ADGRL2: variants seen among roughly 807,000 people sequenced by gnomAD.
ADGRL2 encodes calcium-independent alpha-latrotoxin receptor 2.
Under a neutral mutation model 157.4 loss-of-function variants are expected in ADGRL2, and 44 were observed. That is an observed-to-expected ratio of 0.28 (90% CI 0.22 to 0.36). ADGRL2 has a LOEUF of 0.36. Among genes scored for constraint, ADGRL2 ranks in the 10% least tolerant of loss-of-function variants. ADGRL2 has a pLI of 1.00. For synonymous variants in ADGRL2, 585 were observed against 624.7 expected (o/e 0.94, Z 0.95); for missense variants, 1,510 against 1,768.9 (o/e 0.85, Z 2.63).
At chr1:81,323,489 A>G (rs1374466300) in intron 1 of ADGRL2, among the ~76,000 whole-genome samples, 1 of 150,696 alleles carries the variant, frequency 6.6e-6, no homozygotes, top group Non-Finnish European at 1.5e-5. Flanking sequence ...CTGGACTCAA[A>G]CAATCCTCCT....
intron 3 of ADGRL2, among the ~76,000 whole-genome samples, chr1:81,648,556 G>A (rs2082355498): frequency 6.6e-6 from 1 of 152,146 alleles, no homozygotes; most frequent in African/African-American, 2.4e-5. Context: ...AGATGCCATG[G>A]TTAATTACAG....
chr1:81,719,084 T>C (rs184762623), intron 1 of ADGRL2, among the ~76,000 whole-genome samples: 1 of 152,344 alleles, frequency 6.6e-6, no homozygotes, highest in African/African-American at 2.4e-5. Context: ...AAAACACTTT[T>C]CTCCCCTGGG....
intron 3 of ADGRL2, among the ~76,000 whole-genome samples, chr1:81,591,368 G>C (rs551225825): frequency 6.6e-6 from 1 of 152,190 alleles, no homozygotes; most frequent in East Asian, 1.9e-4. Flanking sequence ...TGAGAATTTA[G>C]CCTCCTTTAA....
chr1:81,784,820 G>T (rs1345339564), intron 2 of ADGRL2, among the ~76,000 whole-genome samples: 2 of 151,800 alleles, frequency 1.3e-5, no homozygotes, highest in East Asian at 3.9e-4. Context: ...TTTGTTAAGG[G>T]TCCAAAAATA....
intron 2 of ADGRL2, among the ~76,000 whole-genome samples, chr1:81,839,373 TTTTG>T (rs1224202208): frequency 6.6e-6 from 1 of 151,988 alleles, no homozygotes; most frequent in Non-Finnish European, 1.5e-5. Flanking sequence ...ACGGTTCTTT[TTTTG>T]TTTATTTTAT....
intron 3 of ADGRL2, among the ~76,000 whole-genome samples, chr1:81,689,326 G>A (rs1371721134): frequency 6.6e-6 from 1 of 152,050 alleles, no homozygotes. Flanking sequence ...ATTTTCTAAA[G>A]ATTTGTTCCT....
intron 3 of ADGRL2, among the ~76,000 whole-genome samples, chr1:81,643,381 T>C (rs1188848879): frequency 6.6e-6 from 1 of 152,182 alleles, no homozygotes; most frequent in Non-Finnish European, 1.5e-5. Context: ...GGTACAGTCA[T>C]GGCTCACTGC....
intron 2 of ADGRL2, among the ~76,000 whole-genome samples, chr1:81,766,596 C>T (rs895313537): frequency 5.9e-5 from 9 of 151,792 alleles, no homozygotes; most frequent in Admixed American, 4.6e-4. Flanking sequence ...TTTGGGAGGC[C>T]GAAGCGGGCA....
chr1:81,642,297 G>GTAGTCC (rs1258917795), intron 3 of ADGRL2, among the ~76,000 whole-genome samples: 2 of 149,156 alleles, frequency 1.3e-5, no homozygotes, highest in Admixed American at 6.7e-5. Flanking sequence ...GTGCATGCCT[G>GTAGTCC]TAGTCCTAGC....
At chr1:81,388,172 A>G (rs1381010807) in intron 1 of ADGRL2, among the ~76,000 whole-genome samples, 1 of 152,110 alleles carries the variant, frequency 6.6e-6, no homozygotes, top group Non-Finnish European at 1.5e-5. Flanking sequence ...TAATTCCAAT[A>G]TCCAAAAACT....
intron 1 of ADGRL2, among the ~76,000 whole-genome samples, chr1:81,415,078 G>T (rs983613328): frequency 6.6e-6 from 1 of 152,182 alleles, no homozygotes; most frequent in African/African-American, 2.4e-5. Context: ...TTAAAAGCTT[G>T]TCAACCAAAC....
intron 2 of ADGRL2, among the ~76,000 whole-genome samples, chr1:81,881,427 C>T (rs1557836252): frequency 6.6e-6 from 1 of 152,180 alleles, no homozygotes; most frequent in African/African-American, 2.4e-5. Flanking sequence ...CCACCAGCCT[C>T]GGCATCCCAA....
At chr1:81,413,381 G>T (rs1278688595) in intron 1 of ADGRL2, among the ~76,000 whole-genome samples, 1 of 151,856 alleles carries the variant, frequency 6.6e-6, no homozygotes. Context: ...TTACTCACCA[G>T]GCAGAGCAGG....
At chr1:81,989,400 T>G (rs1036096349) in intron 23 of ADGRL2, among the ~76,000 whole-genome samples, 13 of 152,278 alleles carry the variant, frequency 8.5e-5, no homozygotes, top group African/African-American at 3.1e-4. Flanking sequence ...CTCTGCTGGT[T>G]CATTCGGTGC....
chr1:81,767,165 C>CA (rs1420429946), intron 2 of ADGRL2, among the ~76,000 whole-genome samples: 2 of 152,138 alleles, frequency 1.3e-5, no homozygotes, highest in Admixed American at 6.5e-5. Context: ...CACTTTGAAG[C>CA]ACATGGCTAT....
chr1:81,477,945 G>T (rs921806608), intron 2 of ADGRL2, among the ~76,000 whole-genome samples: 3 of 152,126 alleles, frequency 2.0e-5, no homozygotes, highest in African/African-American at 7.2e-5. Flanking sequence ...GGAAGGAAGA[G>T]GGGAGAAAAG....
intron 2 of ADGRL2, among the ~76,000 whole-genome samples, chr1:81,475,448 T>C (rs935288025): frequency 6.6e-6 from 1 of 152,176 alleles, no homozygotes; most frequent in African/African-American, 2.4e-5. Flanking sequence ...GTGAGCTCTT[T>C]CTCAAAAGAT....
chr1:81,626,782 C>T (rs1209883759), intron 3 of ADGRL2, among the ~76,000 whole-genome samples: 1 of 152,158 alleles, frequency 6.6e-6, no homozygotes, highest in Non-Finnish European at 1.5e-5. Context: ...TGACCAATGC[C>T]TCAGAGCAGG....
chr1:81,815,004 T>C (rs2090250589), intron 1 of ADGRL2, among the ~76,000 whole-genome samples: 1 of 151,752 alleles, frequency 6.6e-6, no homozygotes, highest in South Asian at 2.1e-4. Context: ...AAAACACTCA[T>C]GCTTTCTACT....
Sources: allele counts gnomAD v4.1 joint callset (sites outside exome capture counted in the v4.1 genomes callset), GRCh38; gene constraint gnomAD v4.1.1; transcripts MANE v1.5; gene names NCBI Gene and HGNC (gene_info 2026-07-23, HGNC 2026-07-21).